Variants in PTPRB observed in about 807,000 individuals in gnomAD.
PTPRB encodes receptor-type tyrosine-protein phosphatase beta.
Under a neutral mutation model 238.1 loss-of-function variants are expected in PTPRB, and 97 were observed. The ratio of observed to expected loss-of-function variants is 0.41; its 90% CI spans 0.35 to 0.48. PTPRB has a LOEUF of 0.48. PTPRB is among the 20% of genes least tolerant of loss of function. The pLI is 0.30. For missense variants in PTPRB, 2,292 were observed against 2,681.9 expected (o/e 0.85, Z 3.21); for synonymous variants, 970 against 995.4 (o/e 0.97, Z 0.48).
At chr12:70,616,555 G>C (rs112739972) in intron 3 of PTPRB, among the ~76,000 whole-genome samples, 1 of 152,202 alleles carries the variant, frequency 6.6e-6, no homozygotes, top group African/African-American at 2.4e-5. Flanking sequence ...AGTAAATCCT[G>C]ATATAGGTCT....
chr12:70,524,883 ATGTATATATG>A (rs200209137), intron 32 of PTPRB, among the ~76,000 whole-genome samples: 31,547 of 150,632 alleles, frequency 0.21, 3,903 homozygotes, highest in Middle Eastern at 0.38. Flanking sequence ...GTGTGTATAT[ATGTATATATG>A]TGTATATATG....
chr12:70,635,658 A>G lies in PTPRB; in HGVS notation c.451+13T>C, dbSNP rs868556072. ...AAAGACTTTCAGGATTTGCTCTGAA[A>G]GGAATAGCTCACCTTTTTGTAAACA... On this transcript the variant is annotated intron_variant, in intron 2 of 33. Transcript: ENST00000334414. 1 of 1,607,370 alleles carries G rather than the reference A, an allele frequency of 6.2e-7. No homozygotes were observed.
At chr12:70,530,099 A>ATAGAT (rs1872968595) in intron 32 of PTPRB, among the ~76,000 whole-genome samples, 1 of 152,022 alleles carries the variant, frequency 6.6e-6, no homozygotes. Context: ...AGGGAGGATT[A>ATAGAT]TAGATTATAG....
In PTPRB at chr12:70,581,130, G is replaced by A. The variant is rs1279573214; in HGVS notation, c.2484C>T (p.Phe828=). Residue 828 remains phenylalanine (F), a synonymous_variant, in exon 10 of 34, where the codon TTC becomes TTT. Transcript: ENST00000334414. The part of the protein sequence containing the change: ...SISSETSRYS[F]HSLKSGSLYS... ...ACAGGCTGCCGGACTTGAGAGAGTG[G>A]AAGCTGTATCTGCTGGTCTCACTGG... The A allele has an allele frequency of 1.2e-6, 2 of 1,613,960 alleles. No individual in the cohort carries two copies. Among genetic ancestry groups the A allele is most frequent in the Non-Finnish European group, 1.7e-6 (2 of 1,179,894 alleles).
rs564462070 is a variant in PTPRB at position 70,598,039 on chromosome 12, T to C, written c.980-1712A>G. Among the ~76,000 whole-genome samples, 4 of 152,334 alleles carry C rather than the reference T, an allele frequency of 2.6e-5. No homozygotes were observed. In the East Asian group the frequency reaches 7.7e-4, roughly 29 times the overall value. ...AAGCAAGCTGAGGCAGCAGTAACTA[T>C]GACAAAAATTAACAGAGTGCCCGAA... is the stretch of plus-strand genomic sequence containing the variant. On this transcript the variant is annotated intron_variant, in intron 4 of 33. Coordinates refer to ENST00000334414, the MANE Select transcript of PTPRB (RefSeq NM_001109754.4).
At chr12:70,543,431 G>A (rs560591926) in intron 22 of PTPRB, among the ~76,000 whole-genome samples, 1 of 152,248 alleles carries the variant, frequency 6.6e-6, no homozygotes, top group East Asian at 1.9e-4. Context: ...TCATGTAACA[G>A]TATTTCAAAA....
intron 2 of PTPRB, among the ~76,000 whole-genome samples, chr12:70,624,236 A>G (rs1885072655): frequency 6.6e-6 from 1 of 152,216 alleles, no homozygotes. Context: ...CATACTATGT[A>G]TTAGTAATAT....
rs149982518 is a variant in PTPRB at position 70,623,902 on chromosome 12, G to A, written c.452-1256C>T. Among the ~76,000 whole-genome samples the A allele has an allele frequency of 1.1e-3, 164 of 152,114 alleles. 1 individual carries two copies. In the East Asian group the frequency reaches 0.027, roughly 25 times the overall value. ...TCCATTCCAATTTCAACTGATTAGT[G>A]CATTTCGTATGATAATGGATGTAAA... On this transcript the variant is annotated intron_variant, in intron 2 of 33. Coordinates refer to ENST00000334414, the MANE Select transcript of PTPRB (RefSeq NM_001109754.4).
intron 5 of PTPRB, 77 bp from the exon 6 acceptor site, chr12:70,594,801 C>A: frequency 1.3e-6 from 2 of 1,516,212 alleles, no homozygotes; most frequent in South Asian, 1.2e-5. Flanking sequence ...AATTAGAAGT[C>A]ACATATTCAT....
intron 10 of PTPRB, among the ~76,000 whole-genome samples, chr12:70,580,275 A>G (rs913691587): frequency 2.0e-5 from 3 of 152,218 alleles, no homozygotes; most frequent in Non-Finnish European, 4.4e-5. Context: ...AACGTTGCTT[A>G]TGAAAATATA....
rs1019180474 is a variant in PTPRB at position 70,556,236 on chromosome 12, C to A, written c.4715-88G>T. On this transcript the variant is annotated intron_variant, in intron 18 of 33. Transcript: ENST00000334414. Reference sequence around the variant, plus strand: ...CTTTGGGTCCAACTAGCTCTGAGATCTAGGTATAGGAGGGACAGACAGGCA... The same window carrying A: ...CTTTGGGTCCAACTAGCTCTGAGATATAGGTATAGGAGGGACAGACAGGCA... 4.1e-6 allele frequency: 5 copies of A among 1,221,986 alleles called. No homozygotes were observed. In the African/African-American group the frequency reaches 7.7e-5, roughly 19 times the overall value. The allele number at this position is 1,221,986 out of a possible 1,614,324, so 75.7% of individuals were successfully genotyped here. A position where few individuals can be genotyped will look rare whatever the true frequency, so the allele number is the denominator to read the frequency against.
chr12:70,603,260 T>C (rs892571362), intron 4 of PTPRB, among the ~76,000 whole-genome samples: 8 of 152,172 alleles, frequency 5.3e-5, no homozygotes, highest in African/African-American at 1.9e-4. Flanking sequence ...TGTAAATGGC[T>C]GATTACAAAA....
At chr12:70,557,717 G>C (rs3782376) in intron 18 of PTPRB, among the ~76,000 whole-genome samples, 68,466 of 152,168 alleles carry the variant, frequency 0.45, 16,497 homozygotes, top group African/African-American at 0.62. Context: ...ACCAAGAGAT[G>C]GAGAGCCTAC....
chr12:70,532,756 C>T (rs562049872), intron 31 of PTPRB, among the ~76,000 whole-genome samples: 1 of 152,158 alleles, frequency 6.6e-6, no homozygotes, highest in Admixed American at 6.5e-5. Flanking sequence ...GTCCTCTCAC[C>T]TCAGCCTCCT....
intron 11 of PTPRB, among the ~76,000 whole-genome samples, chr12:70,573,615 C>T (rs1355385802): frequency 2.0e-5 from 3 of 149,912 alleles, no homozygotes; most frequent in African/African-American, 7.4e-5. Context: ...AAGCGATTCT[C>T]CTGCCTCAGC....
At chr12:70,577,243 A>G (rs1422048826) in intron 10 of PTPRB, among the ~76,000 whole-genome samples, 3 of 152,126 alleles carry the variant, frequency 2.0e-5, no homozygotes, top group Non-Finnish European at 4.4e-5. Flanking sequence ...CTAAAAACCT[A>G]TCTTGGAAGT....
At chr12:70,530,748 A>C (rs1021118545) in intron 32 of PTPRB, among the ~76,000 whole-genome samples, 1 of 152,152 alleles carries the variant, frequency 6.6e-6, no homozygotes, top group Non-Finnish European at 1.5e-5. Context: ...TTTTCTTTTT[A>C]AAAATTTTTT....
intron 7 of PTPRB, chr12:70,591,754 A>T (rs535092524): frequency 1.3e-5 from 2 of 154,450 alleles, no homozygotes; most frequent in African/African-American, 4.8e-5. Flanking sequence ...CCCTTTAAAC[A>T]TGTAAAAACC....
In PTPRB at chr12:70,576,531, T is replaced by C; in HGVS notation, c.2693A>G (p.His898Arg). Residue 898 changes from histidine (H) to arginine (R), a missense_variant, in exon 11 of 34, where the codon CAT becomes CGT. Around this residue, in one of 4 missense-constraint regions of PTPRB, gnomAD observed 1,205 missense variants for 1,287.8 expected, o/e 0.94. Transcript: ENST00000334414. ...DVDNYEVTLS[H>R]DGKVVQSLVI... ...AAGGGACTGAACCACCTTGCCGTCA[T>C]GAGACAATGTTACCTCATAGTTATC... 6.4e-6 allele frequency: 10 copies of C among 1,562,366 alleles called. No individual in the cohort carries two copies. Among genetic ancestry groups the C allele is most frequent in the Non-Finnish European group, 8.7e-6 (10 of 1,151,974 alleles).
Sources: allele counts gnomAD v4.1 joint callset (sites outside exome capture counted in the v4.1 genomes callset), GRCh38; gene constraint gnomAD v4.1.1; regional missense constraint gnomAD v4.1.1; transcripts MANE v1.5; gene names NCBI Gene and HGNC (gene_info 2026-07-23, HGNC 2026-07-21).